Variants in ACYP2 observed in about 807,000 individuals in gnomAD.
ACYP2 encodes the protein acylphosphatase-2.
Under a neutral mutation model 11.2 loss-of-function variants are expected in ACYP2, and 12 were observed. That is an observed-to-expected ratio of 1.08 (90% CI 0.69 to 1.74). The LOEUF (loss-of-function observed/expected upper bound fraction) is 1.74. ACYP2 is among the 40% of genes most tolerant of loss of function. The pLI is 0.00. For missense variants in ACYP2, 134 were observed against 101.9 expected (o/e 1.31, Z -1.35); for synonymous variants, 43 against 32.2 (o/e 1.33, Z -1.13).
At chr2:54,155,563 C>G (rs1215319291) in intron 6 of ACYP2, among the ~76,000 whole-genome samples, 5 of 152,060 alleles carry the variant, frequency 3.3e-5, no homozygotes, top group Non-Finnish European at 7.4e-5. Context: ...ACTGCGCATG[C>G]GAGGGATACA....
chr2:54,075,190 T>C (rs1466900795), intron 4 of ACYP2, among the ~76,000 whole-genome samples: 1 of 152,126 alleles, frequency 6.6e-6, no homozygotes, highest in Non-Finnish European at 1.5e-5. Flanking sequence ...GATTTAGTAA[T>C]GGAGGTTATA....
At chr2:54,090,720 G>A (rs914101664) in intron 4 of ACYP2, among the ~76,000 whole-genome samples, 2 of 152,132 alleles carry the variant, frequency 1.3e-5, no homozygotes, top group African/African-American at 4.8e-5. Context: ...CGCCTGGACC[G>A]CTCTTCCTCT....
chr2:54,008,941 T>C lies in ACYP2; in HGVS notation c.62+35131T>C, dbSNP rs551472771. On this transcript the variant is annotated intron_variant, in intron 2 of 6. Coordinates refer to ENST00000607452, the MANE Select transcript of ACYP2 (RefSeq NM_001320586.2). ...GCTGAGGCAGGCAGATCACCTGAGG[T>C]CAAGAGTTCGAGACCAGCCTGGCCA... Among the ~76,000 whole-genome samples, 4 of 152,072 alleles carry C rather than the reference T, an allele frequency of 2.6e-5. No individual in the cohort carries two copies. The South Asian group carries it at 8.3e-4, about 32-fold the overall frequency.
intron 6 of ACYP2, among the ~76,000 whole-genome samples, chr2:54,268,335 C>T (rs2104070492): frequency 6.6e-6 from 1 of 152,278 alleles, no homozygotes; most frequent in Middle Eastern, 3.4e-3. Context: ...CGTCATCTTT[C>T]TGATTTCAGT....
At chr2:54,188,694 C>G (rs1572907570) in intron 6 of ACYP2, among the ~76,000 whole-genome samples, 1 of 152,168 alleles carries the variant, frequency 6.6e-6, no homozygotes, top group East Asian at 1.9e-4. Context: ...TTGCTACTCA[C>G]AAGTATGGTC....
intron 6 of ACYP2, among the ~76,000 whole-genome samples, chr2:54,259,251 G>A (rs1386361222): frequency 6.6e-6 from 1 of 152,200 alleles, no homozygotes; most frequent in Non-Finnish European, 1.5e-5. Flanking sequence ...ATGATTATTG[G>A]ACACCAGAGT....
intron 6 of ACYP2, among the ~76,000 whole-genome samples, chr2:54,162,245 A>C (rs572299483): frequency 6.6e-6 from 1 of 152,226 alleles, no homozygotes. Context: ...TAATGCCAGG[A>C]GAGAAAGTCT....
At chr2:54,268,736 G>C (rs1312054992) in intron 6 of ACYP2, among the ~76,000 whole-genome samples, 2 of 152,060 alleles carry the variant, frequency 1.3e-5, no homozygotes, top group African/African-American at 2.4e-5. Flanking sequence ...TTGAGCCCAG[G>C]AGGTTAAGGC....
Position 54,062,051 on chromosome 2 carries a change from A to G in ACYP2, c.277+4691A>G, listed in dbSNP as rs201141004. ...TTTGCGTAAGTTGCATTGCCTCTGA[A>G]TTCCATTTCAGGAAAGTAAAGGAGA... On this transcript the variant is annotated intron_variant, in intron 4 of 6. Coordinates refer to ENST00000607452, the MANE Select transcript of ACYP2 (RefSeq NM_001320586.2). Among the ~76,000 whole-genome samples, 3 of 152,206 alleles carry G rather than the reference A, an allele frequency of 2.0e-5. No individual in the cohort carries two copies. The East Asian group carries it at 5.8e-4, about 29-fold the overall frequency.
At chr2:54,299,626 A>C (rs1445008168) in intron 6 of ACYP2, among the ~76,000 whole-genome samples, 2 of 151,940 alleles carry the variant, frequency 1.3e-5, no homozygotes, top group Non-Finnish European at 2.9e-5. Flanking sequence ...AAAAAAAGAA[A>C]ACCTAAGACC....
intron 2 of ACYP2, among the ~76,000 whole-genome samples, chr2:53,997,513 T>A (rs779133820): frequency 2.0e-5 from 3 of 151,268 alleles, no homozygotes; most frequent in Non-Finnish European, 4.4e-5. Context: ...ACCATGTTGG[T>A]CAGGCTGATC....
chr2:54,255,509 C>A, intron 6 of ACYP2: 1 of 1,613,932 alleles, frequency 6.2e-7, no homozygotes, highest in South Asian at 1.1e-5. Context: ...TCTGCATTCA[C>A]GGAGTCCAGT....
intron 4 of ACYP2, among the ~76,000 whole-genome samples, chr2:54,062,941 T>A (rs1464224267): frequency 6.6e-6 from 1 of 152,110 alleles, no homozygotes; most frequent in African/African-American, 2.4e-5. Flanking sequence ...GCTTAAGAAT[T>A]CGACTATTTA....
Position 53,987,609 on chromosome 2 carries a change from G to C in ACYP2, c.62+13799G>C, listed in dbSNP as rs1192616405. On this transcript the variant is annotated intron_variant, in intron 2 of 6. Transcript: ENST00000607452. ...ATCATTTTACATTCTCATCAGCATTGTAAGAGCAATCCGGTTTCTCTGCCA... is the reference window on the plus strand; with the variant it reads ...ATCATTTTACATTCTCATCAGCATTCTAAGAGCAATCCGGTTTCTCTGCCA... Among the ~76,000 whole-genome samples the C allele has an allele frequency of 2.0e-5, 3 of 152,242 alleles. No individual in the cohort carries two copies. In the East Asian group the frequency reaches 5.8e-4, roughly 29 times the overall value.
At chr2:54,078,633 T>A (rs1466932579) in intron 4 of ACYP2, among the ~76,000 whole-genome samples, 1 of 151,214 alleles carries the variant, frequency 6.6e-6, no homozygotes. Flanking sequence ...GGAGTCTTAC[T>A]CTGTCACCCA....
In ACYP2 at chr2:54,161,638, G is replaced by A. The variant is rs993286371; in HGVS notation, c.404+22890G>A. On this transcript the variant is annotated intron_variant, in intron 6 of 6. Coordinates refer to ENST00000607452, the MANE Select transcript of ACYP2 (RefSeq NM_001320586.2). Reference sequence around the variant, plus strand: ...GATTTGCCTGAAGATAATCATTCACGGTGACAAATACAACTGCCAAATTTT... The same window carrying A: ...GATTTGCCTGAAGATAATCATTCACAGTGACAAATACAACTGCCAAATTTT... 2.6e-5 allele frequency among the ~76,000 whole-genome samples: 4 copies of A among 152,094 alleles called. No homozygotes were observed. The East Asian group carries it at 5.8e-4, about 22-fold the overall frequency.
intron 6 of ACYP2, chr2:54,254,965 C>T: frequency 1.2e-6 from 2 of 1,613,838 alleles, no homozygotes; most frequent in East Asian, 4.5e-5. Context: ...CACTGGCTCC[C>T]TTACCAGGCG....
At chr2:54,024,134 G>T (rs1409073023) in intron 2 of ACYP2, among the ~76,000 whole-genome samples, 1 of 152,196 alleles carries the variant, frequency 6.6e-6, no homozygotes. Context: ...AGCACTTTGG[G>T]AGGCTAAAGT....
chr2:54,118,706 A>C (rs919294824), intron 4 of ACYP2, among the ~76,000 whole-genome samples: 1 of 152,268 alleles, frequency 6.6e-6, no homozygotes, highest in Non-Finnish European at 1.5e-5. Flanking sequence ...AGAGAAACGT[A>C]CTATACATAA....
Sources: gnomAD v4.1 joint callset for allele counts (sites outside exome capture counted in the v4.1 genomes callset) on GRCh38, gnomAD v4.1.1 for gene constraint, MANE v1.5 for transcripts, NCBI Gene and HGNC (gene_info 2026-07-23, HGNC 2026-07-21) for gene names.